The following HOXC5 variants were observed in gnomAD, a reference collection of about 807,000 sequenced individuals.
HOXC5 encodes homeobox protein Hox-C5.
A neutral mutation model predicts 20.1 loss-of-function variants in HOXC5; 19 were observed. The ratio of observed to expected loss-of-function variants is 0.94; its 90% CI spans 0.66 to 1.38. The LOEUF is 1.38. Ranked by LOEUF, HOXC5 falls within the 40% of genes most tolerant of loss-of-function variation. HOXC5 has a pLI of 0.00. For missense variants in HOXC5, 330 were observed against 300.1 expected, an observed-to-expected ratio of 1.10 and a Z score of -0.74; for synonymous variants, 124 against 117.0, an observed-to-expected ratio of 1.06 and a Z score of -0.39.
chr12:54,032,957 C>T (rs1480787004), upstream of HOXC5: 1 of 614,036 alleles, frequency 1.6e-6, no homozygotes, highest in African/African-American at 1.9e-5. Flanking sequence ...AGTCACGTGA[C>T]TCTATTTAAG....
rs2136451608 is a variant in HOXC5, at chr12:54,035,339, A to G, written c.*847A>G. ...CCTGAAACTATATTTTGTCATATCA[A>G]ATAAAGAGAGAACAGGACTAAAGAT... On this transcript the variant is annotated 3_prime_UTR_variant, in exon 2 of 2. Transcript: ENST00000312492. 6.5e-6 allele frequency: 1 copy of G among 152,804 alleles called. No individual in the cohort carries two copies. Among genetic ancestry groups the G allele is most frequent in the South Asian group, 2.1e-4 (1 of 4,824 alleles). The allele number at this position is 152,804 out of a possible 1,614,324, so 9.5% of individuals were successfully genotyped here. A position where few individuals can be genotyped will look rare whatever the true frequency, so the allele number is the denominator to read the frequency against.
rs991974466 is a variant in HOXC5 at position 54,034,640 on chromosome 12, T to C, written c.*148T>C. 3.1e-6 allele frequency: 2 copies of C among 654,580 alleles called. No homozygotes were observed. 40.5% of individuals were successfully genotyped at this position (654,580 alleles called of 1,614,324 possible). On this transcript the variant is annotated 3_prime_UTR_variant, in exon 2 of 2. Transcript: ENST00000312492. ...CCCCACAGACAAAAGCGCTTTTCCT[T>C]GGCATTCCGCATCCCTACCGACCCA...
upstream of HOXC5, among the ~76,000 whole-genome samples, chr12:54,031,872 G>C (rs1052310026): frequency 3.9e-5 from 6 of 152,158 alleles, no homozygotes; most frequent in Non-Finnish European, 7.3e-5. Context: ...CCACCCCCCA[G>C]GTCCGCCCCA....
chr12:54,025,538 G>GC, the HOXC5 span, among the ~76,000 whole-genome samples: 1 of 74,126 alleles, frequency 1.3e-5, no homozygotes, highest in African/African-American at 5.8e-5. Flanking sequence ...GGGGGGGGGG[G>GC]AGGTGTTGAA....
rs145300322 is a variant in HOXC5, at chr12:54,034,285, C to A, written c.462C>A (p.Asp154Glu). ...MTKLHMSHET[D>E]GKRSRTSYTR... ...GTGGGGTTTATGTTCCAGAGACGGA[C>A]GGCAAGCGGTCCCGAACCAGTTACA... Residue 154 changes from aspartate (D) to glutamate (E), a missense_variant, in exon 2 of 2, where the codon GAC becomes GAA. Coordinates refer to ENST00000312492, the MANE Select transcript of HOXC5 (RefSeq NM_018953.4). 4 of 1,613,476 alleles carry A rather than the reference C, an allele frequency of 2.5e-6. No individual in the cohort carries two copies. Among genetic ancestry groups the A allele is most frequent in the Non-Finnish European group, 2.5e-6 (3 of 1,179,884 alleles).
chr12:54,029,849 G>T (rs1391529492), upstream of HOXC5: 1 of 1,614,052 alleles, frequency 6.2e-7, no homozygotes. Context: ...GTGGAAAAAA[G>T]AATCTAATCT....
At chr12:54,033,029 C>T, upstream of HOXC5, 1 of 966,942 alleles carries the variant, frequency 1.0e-6, no homozygotes, top group East Asian at 2.5e-5. Flanking sequence ...TATAAATTGT[C>T]CACTTTGGAG....
At chr12:54,028,481 A>G (rs1198927249), upstream of HOXC5, 1 of 1,585,952 alleles carries the variant, frequency 6.3e-7, no homozygotes, top group South Asian at 1.2e-5. Flanking sequence ...ACAGAAATAA[A>G]TATTAAAGAA....
At chr12:54,024,322 T>C in the HOXC5 span, among the ~76,000 whole-genome samples, 7 of 152,094 alleles carry the variant, frequency 4.6e-5, no homozygotes, top group South Asian at 1.5e-3. Context: ...GAGCACTGAG[T>C]CCTGAGGCTC....
upstream of HOXC5, among the ~76,000 whole-genome samples, chr12:54,031,405 A>C: frequency 6.6e-6 from 1 of 152,234 alleles, no homozygotes; most frequent in East Asian, 1.9e-4. Context: ...GAAAGCCTGG[A>C]AACTGAGCTC....
At chr12:54,025,877 C>T in the HOXC5 span, among the ~76,000 whole-genome samples, 2 of 152,090 alleles carry the variant, frequency 1.3e-5, no homozygotes, top group African/African-American at 2.4e-5. Flanking sequence ...ACCTAGGCAT[C>T]CTTGCTGGGG....
the HOXC5 span, among the ~76,000 whole-genome samples, chr12:54,026,936 T>TCC: frequency 2.6e-4 from 36 of 138,552 alleles, no homozygotes; most frequent in African/African-American, 6.9e-4. Context: ...TAGCCAGCTT[T>TCC]CCCCCCCCCC....
At chr12:54,029,694 T>A (rs755466327), upstream of HOXC5, 1 of 1,614,044 alleles carries the variant, frequency 6.2e-7, no homozygotes. Flanking sequence ...GGCCGCCAGA[T>A]CTACTCGCGG....
At chr12:54,032,378 G>C (rs2136444707), upstream of HOXC5, among the ~76,000 whole-genome samples, 1 of 152,308 alleles carries the variant, frequency 6.6e-6, no homozygotes, top group African/African-American at 2.4e-5. Flanking sequence ...TTGCTGATAG[G>C]CACCTCTTCA....
chr12:54,019,803 G>A, the HOXC5 span: 3 of 152,126 alleles, frequency 2.0e-5, no homozygotes, highest in Non-Finnish European at 4.4e-5. Context: ...GCACCATCCT[G>A]AGGTGTCTTT....
At chr12:54,024,572 C>T in the HOXC5 span, among the ~76,000 whole-genome samples, 1 of 152,172 alleles carries the variant, frequency 6.6e-6, no homozygotes, top group Admixed American at 6.5e-5. Context: ...ATATCCCTCC[C>T]CAGGAAATTA....
Position 54,033,453 on chromosome 12 carries a change from C to T in HOXC5, c.331C>T (p.Arg111Ter). 6.3e-7 allele frequency: 1 copy of T among 1,599,518 alleles called. No individual in the cohort carries two copies. The highest frequency in any genetic ancestry group is 8.5e-7 in the Non-Finnish European group (1 of 1,174,392). The change falls in exon 1 of 2, where the codon CGA (arginine) becomes TGA (stop). Residue 111 changes from arginine to a stop codon, truncating the protein, a stop_gained. Transcript: ENST00000312492. LOFTEE classifies it high-confidence loss of function. Reference sequence around the variant, plus strand: ...GGCGGCTCGCCCGGCGCTGGAGGAGCGAGCTAAGAGCAGTGGGGAGATCAA... The same window carrying T: ...GGCGGCTCGCCCGGCGCTGGAGGAGTGAGCTAAGAGCAGTGGGGAGATCAA... ...QKAARPALEE[R>*]AKSSGEIKEE...
At chr12:54,028,650 C>G (rs763969646), upstream of HOXC5, 20 of 1,613,944 alleles carry the variant, frequency 1.2e-5, no homozygotes, top group Non-Finnish European at 1.5e-5. Flanking sequence ...ATGGAGCGGC[C>G]GTTGCCCAGA....
At position 54,034,361 on chromosome 12, in the gene HOXC5, C is replaced by G. The variant is rs764070592; in HGVS notation, c.538C>G (p.Leu180Val). ...LEKEFHFNRY[L>V]TRRRRIEIAN... ...GAAAGAATTCCACTTTAACCGCTAC[C>G]TCACTCGCCGCAGGCGCATAGAGAT... Residue 180 changes from leucine to valine, a missense_variant, in exon 2 of 2, where the codon CTC becomes GTC. Coordinates refer to ENST00000312492, the MANE Select transcript of HOXC5 (RefSeq NM_018953.4). The G allele has an allele frequency of 6.2e-7, 1 of 1,614,230 alleles. No individual in the cohort carries two copies. Among genetic ancestry groups the G allele is most frequent in the South Asian group, 1.1e-5 (1 of 91,088 alleles).
Sources: gnomAD v4.1 joint callset for allele counts (sites outside exome capture counted in the v4.1 genomes callset) on GRCh38, gnomAD v4.1.1 for gene constraint, MANE v1.5 for transcripts, NCBI Gene and HGNC (gene_info 2026-07-23, HGNC 2026-07-21) for gene names.